The following DCDC1 variants were observed in gnomAD, a reference collection of about 807,000 sequenced individuals.
DCDC1 encodes doublecortin domain-containing protein 1.
Under a neutral mutation model 178.3 loss-of-function variants are expected in DCDC1, and 200 were observed. The observed-to-expected ratio is 1.12, with a 90% confidence interval of 1.00 to 1.26. DCDC1 has a LOEUF of 1.26. Among genes scored for constraint, DCDC1 ranks in the 50% most tolerant of loss-of-function variants. DCDC1 has a pLI of 0.00. For missense variants in DCDC1, 1,983 were observed against 1,749.2 expected (o/e 1.13, Z -2.38); for synonymous variants, 690 against 604.8 (o/e 1.14, Z -2.07).
chr11:31,258,577 T>C (rs1284041956), intron 8 of DCDC1, among the ~76,000 whole-genome samples: 1 of 152,108 alleles, frequency 6.6e-6, no homozygotes, highest in Non-Finnish European at 1.5e-5. Flanking sequence ...ACAGAAACAT[T>C]AACTGAAGAG....
intron 6 of DCDC1, among the ~76,000 whole-genome samples, chr11:31,294,798 AAAAGAAAGAAAG>A (rs199955696): frequency 0.14 from 17,587 of 125,126 alleles, 1,293 homozygotes; most frequent in South Asian, 0.15. Context: ...AAAATAAAGA[AAAAGAAAGAAAG>A]AAAGAAAGAA....
chr11:31,210,480 AGGC>A (rs1351309336), intron 9 of DCDC1, among the ~76,000 whole-genome samples: 18 of 152,092 alleles, frequency 1.2e-4, no homozygotes, highest in Non-Finnish European at 1.8e-4. Flanking sequence ...TGGGAGGCCG[AGGC>A]AGGTGGATCA....
intron 24 of DCDC1, among the ~76,000 whole-genome samples, chr11:30,921,430 T>C (rs552568041): frequency 2.0e-4 from 31 of 152,252 alleles, no homozygotes; most frequent in Admixed American, 1.8e-3. Context: ...AGGAGGAAGA[T>C]CATGAGGAAA....
chr11:31,274,153 T>A (rs1945799639), intron 7 of DCDC1, among the ~76,000 whole-genome samples: 1 of 152,228 alleles, frequency 6.6e-6, no homozygotes, highest in African/African-American at 2.4e-5. Context: ...CATAGGATCA[T>A]GCATATTCAT....
chr11:31,152,370 A>G (rs1479913380), intron 9 of DCDC1, among the ~76,000 whole-genome samples: 1 of 152,240 alleles, frequency 6.6e-6, no homozygotes, highest in Admixed American at 6.5e-5. Flanking sequence ...TTTCAAAAAA[A>G]GAAAAGAGTG....
chr11:31,206,575 T>C (rs1971893467), intron 9 of DCDC1, among the ~76,000 whole-genome samples: 2 of 152,000 alleles, frequency 1.3e-5, no homozygotes, highest in African/African-American at 2.4e-5. Context: ...CACCACGCCC[T>C]GCTATTTTTT....
rs1565441822 is a variant in DCDC1 at position 31,213,105 on chromosome 11, CTCTCTCTCTCTCT to C, written c.1221+28332_1221+28344del. Among the ~76,000 whole-genome samples, 9 of 18,788 alleles carry C rather than the reference CTCTCTCTCTCTCT, an allele frequency of 4.8e-4. No homozygotes were observed. In the East Asian group the frequency reaches 0.025, roughly 52 times the overall value. 12.3% of individuals were successfully genotyped at this position (18,788 alleles called of 152,430 possible). A position where few individuals can be genotyped will look rare whatever the true frequency, so the allele number is the denominator to read the frequency against. ...ATCTTCTATATAAAGCCCAGCCTCT[CTCTCTCTCTCTCT>C]CTCTCTCTCTCTCTCTCTCTCTCTC... On this transcript the variant is annotated intron_variant, in intron 9 of 38. Coordinates refer to ENST00000684477, the MANE Select transcript of DCDC1 (RefSeq NM_001387274.1).
chr11:31,144,416 C>A (rs1591202212), intron 9 of DCDC1, among the ~76,000 whole-genome samples: 1 of 152,158 alleles, frequency 6.6e-6, no homozygotes, highest in Non-Finnish European at 1.5e-5. Flanking sequence ...GGATTGCAGG[C>A]ATGAACCACC....
chr11:30,982,104 A>G (rs1417370313), intron 20 of DCDC1, among the ~76,000 whole-genome samples: 7 of 152,246 alleles, frequency 4.6e-5, no homozygotes, highest in Admixed American at 4.6e-4. Flanking sequence ...CATGCATGTT[A>G]AAGGTACACT....
chr11:31,112,149 T>C (rs1430903307), intron 11 of DCDC1, among the ~76,000 whole-genome samples: 4 of 152,304 alleles, frequency 2.6e-5, no homozygotes, highest in Non-Finnish European at 2.9e-5. Flanking sequence ...ATATAATGTG[T>C]TTTCACTGTG....
chr11:31,346,442 C>T (rs1015144336), intron 1 of DCDC1, among the ~76,000 whole-genome samples: 8 of 128,592 alleles, frequency 6.2e-5, no homozygotes, highest in Non-Finnish European at 1.2e-4. Flanking sequence ...CCAGCCTGGG[C>T]GACAGAAGGA....
intron 13 of DCDC1, among the ~76,000 whole-genome samples, chr11:31,104,262 C>A (rs959888139): frequency 3.3e-5 from 5 of 152,042 alleles, no homozygotes; most frequent in Non-Finnish European, 5.9e-5. Context: ...AAATCAAAAA[C>A]AGATTTTAAA....
chr11:30,990,317 A>T (rs1405164521), intron 20 of DCDC1, among the ~76,000 whole-genome samples: 1 of 152,186 alleles, frequency 6.6e-6, no homozygotes. Context: ...CATAACCCAG[A>T]ATCATCACTG....
rs772264363 is a variant in DCDC1 at position 31,106,947 on chromosome 11, A to G, written c.1601T>C (p.Ile534Thr). The G allele has an allele frequency of 7.8e-6, 6 of 765,368 alleles. No homozygotes were observed. The Admixed American group carries it at 8.5e-5, about 11-fold the overall frequency. The allele number at this position is 765,368 out of a possible 1,614,324, so 47.4% of individuals were successfully genotyped here. The change falls in exon 13 of 39, where the codon ATT becomes ACT. Residue 534 changes from isoleucine (I) to threonine (T), a missense_variant. Coordinates refer to ENST00000684477, the MANE Select transcript of DCDC1 (RefSeq NM_001387274.1). ...GGAAGAACCTTGAAGCCTTTGATGAATCTTGAGAAGTAACTGGTTGGGGGT... is the reference window on the plus strand; with the variant it reads ...GGAAGAACCTTGAAGCCTTTGATGAGTCTTGAGAAGTAACTGGTTGGGGGT... ...DHMMERLLLK[I>T]HQRLQGSSIN...
chr11:31,358,220 G>T (rs543522548), intron 1 of DCDC1, among the ~76,000 whole-genome samples: 3 of 151,964 alleles, frequency 2.0e-5, no homozygotes, highest in Non-Finnish European at 4.4e-5. Flanking sequence ...AAACAGCATG[G>T]TACTGGTACC....
chr11:31,211,407 C>T (rs1000499588), intron 9 of DCDC1, among the ~76,000 whole-genome samples: 1 of 152,240 alleles, frequency 6.6e-6, no homozygotes, highest in Non-Finnish European at 1.5e-5. Flanking sequence ...CTACTATCCA[C>T]ATGCCTACTA....
intron 9 of DCDC1, among the ~76,000 whole-genome samples, chr11:31,194,591 T>C (rs1323604474): frequency 6.6e-6 from 1 of 152,088 alleles, no homozygotes; most frequent in African/African-American, 2.4e-5. Flanking sequence ...GAGCCTTCTT[T>C]GTATAATTAA....
At chr11:30,991,209 C>G (rs1343214065) in intron 20 of DCDC1, among the ~76,000 whole-genome samples, 1 of 152,060 alleles carries the variant, frequency 6.6e-6, no homozygotes, top group Non-Finnish European at 1.5e-5. Context: ...GCTATGAGAG[C>G]CTGCCTTAAG....
chr11:31,042,873 T>C (rs562103716), intron 20 of DCDC1, among the ~76,000 whole-genome samples: 48 of 152,256 alleles, frequency 3.2e-4, no homozygotes, highest in African/African-American at 1.1e-3. Context: ...ATGACCTGGA[T>C]CTAAGGCAAC....
Sources: gnomAD v4.1 joint callset for allele counts (sites outside exome capture counted in the v4.1 genomes callset) on GRCh38, gnomAD v4.1.1 for gene constraint, MANE v1.5 for transcripts, NCBI Gene and HGNC (gene_info 2026-07-23, HGNC 2026-07-21) for gene names.